The following SCHIP1 variants were observed in gnomAD, a reference collection of about 807,000 sequenced individuals.
SCHIP1 encodes schwannomin-interacting protein 1.
Under a neutral mutation model 29.7 loss-of-function variants are expected in SCHIP1, and 8 were observed. The observed-to-expected ratio is 0.27, with a 90% CI of 0.16 to 0.49. The LOEUF is 0.49. Among genes scored for constraint, SCHIP1 ranks in the 20% least tolerant of loss-of-function variants. The pLI is 0.99. For synonymous variants in SCHIP1, 76 were observed against 94.9 expected, an observed-to-expected ratio of 0.80 and a Z score of 1.16; for missense variants, 193 against 294.6, an observed-to-expected ratio of 0.66 and a Z score of 2.52.
chr3:159,392,626 T>G, the SCHIP1 span, among the ~76,000 whole-genome samples: 1 of 152,074 alleles, frequency 6.6e-6, no homozygotes, highest in African/African-American at 2.4e-5. Flanking sequence ...TCCATGTCCC[T>G]ACAAAGGACA....
chr3:159,406,336 A>AAAC, the SCHIP1 span, among the ~76,000 whole-genome samples: 11 of 152,142 alleles, frequency 7.2e-5, no homozygotes, highest in East Asian at 1.9e-4. Flanking sequence ...GTGCTGAATG[A>AAAC]AACAACAACA....
chr3:159,737,412 T>C, the SCHIP1 span, among the ~76,000 whole-genome samples: 1 of 152,170 alleles, frequency 6.6e-6, no homozygotes. Context: ...ACAGGTGGTC[T>C]GGGGCTACAC....
chr3:159,318,923 G>A, the SCHIP1 span, among the ~76,000 whole-genome samples: 2 of 152,102 alleles, frequency 1.3e-5, no homozygotes, highest in Non-Finnish European at 2.9e-5. Flanking sequence ...CAGGCCATGA[G>A]CTGTCTCTCA....
At chr3:159,281,013 T>C in the SCHIP1 span, among the ~76,000 whole-genome samples, 1 of 152,212 alleles carries the variant, frequency 6.6e-6, no homozygotes, top group African/African-American at 2.4e-5. Flanking sequence ...CTATGTGACA[T>C]GTGGGGCAAT....
the SCHIP1 span, among the ~76,000 whole-genome samples, chr3:159,607,388 G>A: frequency 6.6e-6 from 1 of 152,222 alleles, no homozygotes; most frequent in South Asian, 2.1e-4. Context: ...AAGGAGGTAG[G>A]TAGCATATTT....
the SCHIP1 span, among the ~76,000 whole-genome samples, chr3:159,437,797 G>A: frequency 6.6e-6 from 1 of 152,206 alleles, no homozygotes; most frequent in East Asian, 1.9e-4. Flanking sequence ...TATGATTAAA[G>A]TTGAGACTAA....
chr3:159,818,660 C>G, the SCHIP1 span, among the ~76,000 whole-genome samples: 1 of 152,222 alleles, frequency 6.6e-6, no homozygotes, highest in Admixed American at 6.5e-5. Flanking sequence ...GCTTTGCAAT[C>G]CTGATCTTAT....
At chr3:159,486,411 G>C in the SCHIP1 span, among the ~76,000 whole-genome samples, 1 of 152,076 alleles carries the variant, frequency 6.6e-6, no homozygotes, top group Non-Finnish European at 1.5e-5. Flanking sequence ...TTTCTTCTGT[G>C]ACTGGCTATT....
At chr3:159,766,811 T>C in the SCHIP1 span, among the ~76,000 whole-genome samples, 4 of 152,190 alleles carry the variant, frequency 2.6e-5, no homozygotes, top group East Asian at 1.9e-4. Flanking sequence ...GGATACAGAC[T>C]GCCTTCCCTC....
the SCHIP1 span, among the ~76,000 whole-genome samples, chr3:159,334,320 A>G: frequency 1.3e-5 from 2 of 152,204 alleles, no homozygotes; most frequent in Non-Finnish European, 2.9e-5. Context: ...GAGATTTTCT[A>G]TAAGAGACAG....
the SCHIP1 span, among the ~76,000 whole-genome samples, chr3:159,454,472 G>C: frequency 6.6e-6 from 1 of 152,114 alleles, no homozygotes; most frequent in African/African-American, 2.4e-5. Flanking sequence ...TGGGTTACCA[G>C]GTCTCAGGTA....
chr3:159,642,426 G>A, the SCHIP1 span, among the ~76,000 whole-genome samples: 2 of 151,996 alleles, frequency 1.3e-5, no homozygotes, highest in African/African-American at 4.8e-5. Flanking sequence ...TTATTCACAT[G>A]GCATAACACC....
chr3:159,707,059 C>T, the SCHIP1 span, among the ~76,000 whole-genome samples: 1 of 152,142 alleles, frequency 6.6e-6, no homozygotes, highest in Non-Finnish European at 1.5e-5. Flanking sequence ...AATAATCACA[C>T]AAGCAAATAA....
At chr3:159,352,547 C>T in the SCHIP1 span, among the ~76,000 whole-genome samples, 1 of 152,034 alleles carries the variant, frequency 6.6e-6, no homozygotes, top group Admixed American at 6.6e-5. Context: ...CGGATTTCAC[C>T]AATTTTCCAA....
the SCHIP1 span, among the ~76,000 whole-genome samples, chr3:159,576,176 T>A: frequency 6.6e-6 from 1 of 152,242 alleles, no homozygotes. Context: ...TATCCTGATT[T>A]GATTACACAT....
At chr3:159,695,291 A>C in the SCHIP1 span, among the ~76,000 whole-genome samples, 1 of 152,148 alleles carries the variant, frequency 6.6e-6, no homozygotes, top group African/African-American at 2.4e-5. Flanking sequence ...TCAAATGCCC[A>C]CCGCCAGGTT....
At chr3:159,598,373 C>A in the SCHIP1 span, among the ~76,000 whole-genome samples, 1 of 152,144 alleles carries the variant, frequency 6.6e-6, no homozygotes, top group Non-Finnish European at 1.5e-5. Flanking sequence ...AAGTTAGTTA[C>A]CTCCAAGATA....
At chr3:159,698,697 G>A in the SCHIP1 span, among the ~76,000 whole-genome samples, 1 of 151,954 alleles carries the variant, frequency 6.6e-6, no homozygotes, top group Non-Finnish European at 1.5e-5. Context: ...GGAGTGCAGT[G>A]GCATGGTCTC....
At chr3:159,466,181 A>T in the SCHIP1 span, among the ~76,000 whole-genome samples, 1 of 152,154 alleles carries the variant, frequency 6.6e-6, no homozygotes, top group African/African-American at 2.4e-5. Context: ...GAGCAGATAC[A>T]TGCAAATACA....
Sources: gnomAD v4.1 joint callset for allele counts (sites outside exome capture counted in the v4.1 genomes callset) on GRCh38, gnomAD v4.1.1 for gene constraint, MANE v1.5 for transcripts, NCBI Gene and HGNC (gene_info 2026-07-23, HGNC 2026-07-21) for gene names.